GAS2: variants seen among roughly 807,000 people sequenced by gnomAD.
The protein encoded by GAS2 is growth arrest-specific protein 2.
In GAS2, 20 loss-of-function variants were observed where a neutral mutation model predicts 37.5. That is an observed-to-expected ratio of 0.53 (90% confidence interval 0.37 to 0.77). The LOEUF is 0.77. Ranked by LOEUF, GAS2 falls within the 30% of genes least tolerant of loss-of-function variation. The pLI is 0.00. For missense variants in GAS2, 336 were observed against 373.4 expected (o/e 0.90, Z 0.82); for synonymous variants, 144 against 132.2 (o/e 1.09, Z -0.61).
intron 3 of GAS2, among the ~76,000 whole-genome samples, chr11:22,696,523 C>A (rs1378244024): frequency 3.3e-5 from 5 of 152,070 alleles, no homozygotes; most frequent in African/African-American, 1.2e-4. Context: ...GCCACACTGA[C>A]TTCCACAATG....
rs142914168 is a variant in GAS2, at chr11:22,811,954, A to G, written c.880A>G (p.Met294Val). Residue 294 changes from methionine to valine, a missense_variant, in exon 8 of 8, where the codon ATG becomes GTG. Transcript: ENST00000454584. ...IQSKSPTLKD[M>V]NPDNYLVVSA... is the part of the protein sequence containing the mutation. ...AAGCAAATCTCCAACTCTAAAGGAC[A>G]TGAATCCAGATAACTACTTGGTGGT... 82 of 1,614,166 alleles carry G rather than the reference A, an allele frequency of 5.1e-5. No individual in the cohort carries two copies. In the African/African-American group the frequency reaches 8.4e-4, roughly 17 times the overall value.
At chr11:22,780,735 A>G (rs185603126) in intron 7 of GAS2, among the ~76,000 whole-genome samples, 2 of 151,154 alleles carry the variant, frequency 1.3e-5, no homozygotes, top group South Asian at 2.2e-4. Context: ...ATACTTTGCC[A>G]TCACTGGTGG....
At chr11:22,727,359 A>G (rs1217126395) in intron 4 of GAS2, among the ~76,000 whole-genome samples, 1 of 152,102 alleles carries the variant, frequency 6.6e-6, no homozygotes, top group Non-Finnish European at 1.5e-5. Context: ...TAAGGTGAGC[A>G]TCCTTCAGAG....
intron 7 of GAS2, among the ~76,000 whole-genome samples, chr11:22,801,663 C>T (rs1856670528): frequency 6.6e-6 from 1 of 152,054 alleles, no homozygotes; most frequent in African/African-American, 2.4e-5. Context: ...ATTCTAAGGT[C>T]ATATGCTAGA....
At chr11:22,673,995 A>G (rs1125897) in intron 1 of GAS2, among the ~76,000 whole-genome samples, 95,029 of 152,082 alleles carry the variant, frequency 0.62, 30,885 homozygotes, top group East Asian at 0.83. Flanking sequence ...TTGTTGTAGC[A>G]ATAGCAGAGG....
intron 7 of GAS2, among the ~76,000 whole-genome samples, chr11:22,800,085 G>A (rs1018379280): frequency 2.0e-5 from 3 of 152,074 alleles, no homozygotes; most frequent in Admixed American, 6.6e-5. Context: ...ACTACATGCA[G>A]TATAGTACAG....
chr11:22,793,773 A>G (rs918747963), intron 7 of GAS2, among the ~76,000 whole-genome samples: 5 of 152,216 alleles, frequency 3.3e-5, no homozygotes, highest in South Asian at 4.1e-4. Flanking sequence ...GTGTTTTGTG[A>G]TCAGAGGAGT....
At chr11:22,706,921 C>G (rs1487955335) in intron 3 of GAS2, among the ~76,000 whole-genome samples, 3 of 152,114 alleles carry the variant, frequency 2.0e-5, no homozygotes, top group African/African-American at 7.3e-5. Flanking sequence ...CTGACTTCCA[C>G]AATGGTTGAA....
intron 2 of GAS2, among the ~76,000 whole-genome samples, chr11:22,678,181 T>G (rs1170759365): frequency 6.6e-6 from 1 of 152,136 alleles, no homozygotes; most frequent in Non-Finnish European, 1.5e-5. Context: ...AGTCTACTAA[T>G]AACTTGAGAT....
intron 7 of GAS2, among the ~76,000 whole-genome samples, chr11:22,771,446 C>G (rs1854976417): frequency 2.0e-5 from 3 of 152,124 alleles, no homozygotes; most frequent in Non-Finnish European, 4.4e-5. Context: ...TCATGGACCT[C>G]CACCACATTT....
At chr11:22,713,563 T>A (rs1449075242) in intron 3 of GAS2, among the ~76,000 whole-genome samples, 2 of 152,096 alleles carry the variant, frequency 1.3e-5, no homozygotes, top group East Asian at 3.9e-4. Context: ...AGTCATCAAG[T>A]TATCTAAAGT....
chr11:22,792,163 G>A (rs1366327082), intron 7 of GAS2, among the ~76,000 whole-genome samples: 1 of 152,150 alleles, frequency 6.6e-6, no homozygotes, highest in African/African-American at 2.4e-5. Flanking sequence ...TTTGTCATAA[G>A]AAAACACATA....
At chr11:22,657,544 C>G (rs2133841404) in intron 1 of GAS2, among the ~76,000 whole-genome samples, 1 of 151,864 alleles carries the variant, frequency 6.6e-6, no homozygotes, top group South Asian at 2.1e-4. Flanking sequence ...GTGCACCACC[C>G]CCTCACACAC....
chr11:22,703,565 GA>G (rs1427791779), intron 3 of GAS2, among the ~76,000 whole-genome samples: 3 of 152,100 alleles, frequency 2.0e-5, no homozygotes, highest in African/African-American at 7.2e-5. Context: ...AAATTTGGGG[GA>G]AAGAGTTGCT....
intron 5 of GAS2, among the ~76,000 whole-genome samples, chr11:22,744,016 A>G (rs1383794605): frequency 6.6e-6 from 1 of 152,106 alleles, no homozygotes; most frequent in African/African-American, 2.4e-5. Context: ...TGAACACCCT[A>G]GGTACACAAA....
chr11:22,663,343 A>G (rs1848936300), upstream of GAS2, among the ~76,000 whole-genome samples: 1 of 152,098 alleles, frequency 6.6e-6, no homozygotes, highest in South Asian at 2.1e-4. Context: ...ATGGGAGGAT[A>G]GCTAGAGCCT....
At chr11:22,689,237 T>A (rs1850114572) in intron 3 of GAS2, among the ~76,000 whole-genome samples, 1 of 152,074 alleles carries the variant, frequency 6.6e-6, no homozygotes, top group South Asian at 2.1e-4. Context: ...AAGGTGCAAT[T>A]TACCCATGTA....
intron 5 of GAS2, among the ~76,000 whole-genome samples, chr11:22,746,045 G>A (rs956104063): frequency 6.6e-6 from 1 of 152,100 alleles, no homozygotes; most frequent in African/African-American, 2.4e-5. Context: ...AGCCAGGCAT[G>A]GTGGCATCTG....
intron 4 of GAS2, among the ~76,000 whole-genome samples, chr11:22,728,587 A>G (rs1168575737): frequency 6.6e-6 from 1 of 151,492 alleles, no homozygotes; most frequent in Non-Finnish European, 1.5e-5. Flanking sequence ...AAGTCTATAA[A>G]AATTTAAAAA....
Sources: gnomAD v4.1 joint callset for allele counts (sites outside exome capture counted in the v4.1 genomes callset) on GRCh38, gnomAD v4.1.1 for gene constraint, MANE v1.5 for transcripts, NCBI Gene and HGNC (gene_info 2026-07-23, HGNC 2026-07-21) for gene names.